Variants in TDO2 observed in about 807,000 individuals in gnomAD.
TDO2 encodes the protein tryptamin 2,3-dioxygenase.
A neutral mutation model predicts 61.2 loss-of-function variants in TDO2; 63 were observed. That is an observed-to-expected ratio of 1.03 (90% CI 0.84 to 1.27). The LOEUF is 1.27. TDO2 is among the 50% of genes most tolerant of loss of function. The pLI, the probability that TDO2 is intolerant of heterozygous loss-of-function variation, is 0.00. For missense variants in TDO2, 494 were observed against 469.5 expected (o/e 1.05, Z -0.48); for synonymous variants, 183 against 164.0 (o/e 1.12, Z -0.89).
rs1182131986 is a variant in TDO2 at position 155,911,780 on chromosome 4, A to G, written c.726+176A>G. Among the ~76,000 whole-genome samples, 4 of 152,112 alleles carry G rather than the reference A, an allele frequency of 2.6e-5. No individual in the cohort carries two copies. In the East Asian group the frequency reaches 7.7e-4, roughly 29 times the overall value. ...TTCATTTTCTTTATGTGTGATAAAT[A>G]TTATACTAAAATAAGACCTTCATTG... is the stretch of plus-strand genomic sequence containing the variant. On this transcript the variant is annotated intron_variant, in intron 7 of 11. Coordinates refer to ENST00000536354, the MANE Select transcript of TDO2 (RefSeq NM_005651.4).
At chr4:155,906,779 G>A (rs564762780) in intron 3 of TDO2, 6 of 152,224 alleles carry the variant, frequency 3.9e-5, no homozygotes, top group South Asian at 2.1e-4. Flanking sequence ...CTACCATACT[G>A]CTGTAAGTCT....
intron 11 of TDO2, 61 bp from the exon 12 acceptor site, chr4:155,919,776 T>C (rs1743010004): frequency 7.0e-7 from 1 of 1,432,552 alleles, no homozygotes; most frequent in Admixed American, 2.5e-5. Flanking sequence ...AATTTTCTAA[T>C]TGAAAAATTT....
At chr4:155,911,931 A>C (rs1347850711) in intron 7 of TDO2, among the ~76,000 whole-genome samples, 1 of 152,160 alleles carries the variant, frequency 6.6e-6, no homozygotes, top group South Asian at 2.1e-4. Flanking sequence ...AACCAAATCT[A>C]TTTAGCCCTG....
intron 2 of TDO2, 116 bp downstream of exon 2, chr4:155,904,239 G>C: frequency 1.4e-6 from 1 of 704,228 alleles, no homozygotes; most frequent in Non-Finnish European, 2.4e-6. Flanking sequence ...TCGTTTTCTG[G>C]ACCTAAGGAT....
chr4:155,917,505 T>C (rs1244590322), intron 10 of TDO2, 31 bp downstream of exon 10: 1 of 1,559,194 alleles, frequency 6.4e-7, no homozygotes, highest in Non-Finnish European at 8.7e-7. Context: ...CCATGTTGCT[T>C]CCCCACATGC....
At chr4:155,918,279 C>A in intron 11 of TDO2, 40 bp downstream of exon 11, 1 of 1,595,726 alleles carries the variant, frequency 6.3e-7, no homozygotes, top group South Asian at 1.1e-5. Flanking sequence ...GTGGCAGTCA[C>A]CAACAATTTG....
At position 155,910,178 on chromosome 4, in the gene TDO2, T is replaced by C. The variant is rs770638838; in HGVS notation, c.585T>C (p.Ser195=). Residue 195 remains serine, a synonymous_variant, in exon 6 of 12, where the codon TCT becomes TCC. Transcript: ENST00000536354. Reference sequence around the variant, plus strand: ...AAGAAAATGAACTGCTACTTAAATCTGAGCAGGAAAAGACACTTCTGGAAT... The same window carrying C: ...AAGAAAATGAACTGCTACTTAAATCCGAGCAGGAAAAGACACTTCTGGAAT... ...KGEENELLLK[S]EQEKTLLELV... The C allele has an allele frequency of 3.1e-6, 5 of 1,588,602 alleles. No homozygotes were observed. Among genetic ancestry groups the C allele is most frequent in the Non-Finnish European group, 4.3e-6 (5 of 1,170,926 alleles).
chr4:155,914,326 A>T lies in TDO2; in HGVS notation c.730A>T (p.Lys244Ter). The T allele has an allele frequency of 6.2e-7, 1 of 1,604,610 alleles. No homozygotes were observed. Among genetic ancestry groups the T allele is most frequent in the Non-Finnish European group, 8.5e-7 (1 of 1,177,322 alleles). Reference sequence around the variant, plus strand: ...TAATGCCATATTTTTCCTAAAGGCTAAAGAAGAGTCTGAAGAAAAAGAGGA... The same window carrying T: ...TAATGCCATATTTTTCCTAAAGGCTTAAGAAGAGTCTGAAGAAAAAGAGGA... ...LEEEFIRIQAKEESEEKEEQV... is the reference protein window; with the variant it reads ...LEEEFIRIQA Residue 244 changes from lysine (K) to a stop codon, truncating the protein, a stop_gained, in exon 8 of 12, where the codon AAA (lysine) becomes TAA (stop). Coordinates refer to ENST00000536354, the MANE Select transcript of TDO2 (RefSeq NM_005651.4). LOFTEE classifies it high-confidence loss of function.
At chr4:155,917,003 C>A (rs1454699697) in intron 9 of TDO2, among the ~76,000 whole-genome samples, 2 of 151,240 alleles carry the variant, frequency 1.3e-5, no homozygotes, top group Non-Finnish European at 3.0e-5. Flanking sequence ...AACAAAAAAA[C>A]AAATAGATGA....
chr4:155,909,457 T>G (rs1742777964), intron 5 of TDO2, among the ~76,000 whole-genome samples: 1 of 152,206 alleles, frequency 6.6e-6, no homozygotes, highest in Non-Finnish European at 1.5e-5. Context: ...ATAGCTTTTT[T>G]CTTACCAAAA....
chr4:155,904,139 C>T lies in TDO2; in HGVS notation c.141+16C>T. Reference sequence around the variant, plus strand: ...CTACCTGCATGTAAGTGGCAGGGTCCTTACAGGGTTTGGTGTCCATTGTTA... The same window carrying T: ...CTACCTGCATGTAAGTGGCAGGGTCTTTACAGGGTTTGGTGTCCATTGTTA... On this transcript the variant is annotated intron_variant, in intron 2 of 11. Coordinates refer to ENST00000536354, the MANE Select transcript of TDO2 (RefSeq NM_005651.4). 1.3e-6 allele frequency: 2 copies of T among 1,589,606 alleles called. No individual in the cohort carries two copies. The highest frequency in any genetic ancestry group is 1.7e-6 in the Non-Finnish European group (2 of 1,159,426).
At position 155,914,315 on chromosome 4, in the gene TDO2, T is replaced by C. The variant is rs775460509; in HGVS notation, c.727-8T>C. On this transcript the variant is annotated splice_region_variant and splice_polypyrimidine_tract_variant and intron_variant, in intron 7 of 11. Coordinates refer to ENST00000536354, the MANE Select transcript of TDO2 (RefSeq NM_005651.4). ...CTCAGGACTATTAATGCCATATTTT[T>C]CCTAAAGGCTAAAGAAGAGTCTGAA... 3 of 1,593,402 alleles carry C rather than the reference T, an allele frequency of 1.9e-6. No individual in the cohort carries two copies. The highest frequency in any genetic ancestry group is 2.7e-5 in the African/African-American group (2 of 73,488).
intron 10 of TDO2, 148 bp downstream of exon 10, chr4:155,917,622 C>A: frequency 1.7e-6 from 1 of 588,916 alleles, no homozygotes; most frequent in Non-Finnish European, 2.8e-6. Context: ...TCAGCTTGGC[C>A]ATCACTCTCT....
rs905813472 is a variant in TDO2 at position 155,916,270 on chromosome 4, C to G, written c.896+358C>G. ...GCAAGCTCCGCCTCCCGGGTTCACG[C>G]CACTCTCCTGCCTCAGCCTCCCGAG... On this transcript the variant is annotated intron_variant, in intron 9 of 11. Transcript: ENST00000536354. 2.1e-5 allele frequency among the ~76,000 whole-genome samples: 3 copies of G among 145,904 alleles called. No homozygotes were observed. The Admixed American group carries it at 2.1e-4, about 10-fold the overall frequency.
At chr4:155,903,826 G>A in intron 1 of TDO2, 33 bp downstream of exon 1, 2 of 1,613,100 alleles carry the variant, frequency 1.2e-6, no homozygotes, top group East Asian at 2.2e-5. Flanking sequence ...AGTGGGTTTT[G>A]GCTTTTAGAA....
intron 5 of TDO2, among the ~76,000 whole-genome samples, chr4:155,909,790 G>A (rs554634118): frequency 1.7e-4 from 25 of 150,106 alleles, no homozygotes; most frequent in South Asian, 4.3e-4. Flanking sequence ...TACAATAGAA[G>A]AAACCATTAT....
chr4:155,906,076 C>T (rs1259462091), intron 3 of TDO2: 1 of 152,104 alleles, frequency 6.6e-6, no homozygotes, highest in Non-Finnish European at 1.5e-5. Flanking sequence ...CTCAGTTCTA[C>T]TGTTATAAAT....
chr4:155,918,544 G>A (rs1742986413), intron 11 of TDO2, among the ~76,000 whole-genome samples: 1 of 152,162 alleles, frequency 6.6e-6, no homozygotes, highest in South Asian at 2.1e-4. Flanking sequence ...AACTCATTGT[G>A]ACTCAAGTTT....
chr4:155,903,728 C>G lies in TDO2; in HGVS notation c.-31C>G, dbSNP rs577930501. 6.2e-7 allele frequency: 1 copy of G among 1,614,080 alleles called. No individual in the cohort carries two copies. Among genetic ancestry groups the G allele is most frequent in the Non-Finnish European group, 8.5e-7 (1 of 1,179,954 alleles). On this transcript the variant is annotated 5_prime_UTR_variant, in exon 1 of 12. Transcript: ENST00000536354. Reference sequence around the variant, plus strand: ...TGATAGCATCTGCCTAGAGTCAAACCTCCGTGCTTCTCAGACAGTGCCTTT... The same window carrying G: ...TGATAGCATCTGCCTAGAGTCAAACGTCCGTGCTTCTCAGACAGTGCCTTT...
Sources: allele counts gnomAD v4.1 joint callset (sites outside exome capture counted in the v4.1 genomes callset), GRCh38; gene constraint gnomAD v4.1.1; transcripts MANE v1.5; gene names NCBI Gene and HGNC (gene_info 2026-07-23, HGNC 2026-07-21).